Variants in ANK3 observed in about 807,000 individuals in gnomAD.
ANK3 encodes ankyrin 3.
In ANK3, 57 loss-of-function variants were observed where a neutral mutation model predicts 370.9. The ratio of observed to expected loss-of-function variants is 0.15; its 90% CI spans 0.12 to 0.19. The LOEUF (loss-of-function observed/expected upper bound fraction) is 0.19. Among genes scored for constraint, ANK3 ranks in the 10% least tolerant of loss-of-function variants. The probability of loss-of-function intolerance (pLI) is 1.00; values close to 1 mark genes in which losing one functional copy is unlikely to be tolerated. For missense variants in ANK3, 4,439 were observed against 5,302.1 expected (o/e 0.84, Z 5.06); for synonymous variants, 1,929 against 1,946.3 (o/e 0.99, Z 0.23).
chr10:60,111,743 T>C (rs1177463110), intron 26 of ANK3: 2 of 456,162 alleles, frequency 4.4e-6, no homozygotes. Flanking sequence ...CCTTGAATCA[T>C]ACTGAGGAAG....
intron 2 of ANK3, among the ~76,000 whole-genome samples, chr10:60,420,235 A>G (rs931764535): frequency 6.6e-6 from 1 of 152,130 alleles, no homozygotes; most frequent in African/African-American, 2.4e-5. Flanking sequence ...TTATCACCCA[A>G]TTTATTAAAT....
chr10:60,215,541 T>C (rs2096923682), intron 8 of ANK3, among the ~76,000 whole-genome samples: 1 of 152,220 alleles, frequency 6.6e-6, no homozygotes, highest in Non-Finnish European at 1.5e-5. Context: ...TTGTATTAGA[T>C]GTAAGGAAGG....
At chr10:60,558,211 C>T (rs978126311) in intron 2 of ANK3, among the ~76,000 whole-genome samples, 2 of 152,130 alleles carry the variant, frequency 1.3e-5, no homozygotes, top group South Asian at 2.1e-4. Context: ...CTCATTCAAC[C>T]GCATTTCTGA....
At chr10:60,164,628 A>C (rs2095577665) in intron 23 of ANK3, among the ~76,000 whole-genome samples, 1 of 152,216 alleles carries the variant, frequency 6.6e-6, no homozygotes, top group Admixed American at 6.5e-5. Context: ...AATACACCAA[A>C]GCTTGAATCA....
chr10:60,155,263 G>T (rs575315333), intron 23 of ANK3, among the ~76,000 whole-genome samples: 1 of 152,336 alleles, frequency 6.6e-6, no homozygotes, highest in African/African-American at 2.4e-5. Flanking sequence ...TGTGGGCCTG[G>T]GAAAGAGAGA....
At chr10:60,696,061 A>C (rs1204280955) in intron 1 of ANK3, among the ~76,000 whole-genome samples, 1 of 151,112 alleles carries the variant, frequency 6.6e-6, no homozygotes, top group African/African-American at 2.4e-5. Context: ...AAAAAATGAT[A>C]AAGGGGATAT....
At chr10:60,400,279 C>T (rs1292719032) in intron 2 of ANK3, among the ~76,000 whole-genome samples, 1 of 152,026 alleles carries the variant, frequency 6.6e-6, no homozygotes, top group East Asian at 1.9e-4. Flanking sequence ...ATTTTCTAGC[C>T]AATTTGAGTT....
intron 1 of ANK3, among the ~76,000 whole-genome samples, chr10:60,714,556 T>C (rs2079755398): frequency 1.3e-5 from 2 of 152,180 alleles, no homozygotes; most frequent in African/African-American, 4.8e-5. Context: ...ATTTATTCCA[T>C]GTATGCAAGA....
chr10:60,679,581 C>T (rs771091848), intron 1 of ANK3, among the ~76,000 whole-genome samples: 8 of 152,112 alleles, frequency 5.3e-5, no homozygotes, highest in Non-Finnish European at 1.0e-4. Flanking sequence ...CGAGCATGTG[C>T]GCAGTTTGGT....
At chr10:60,034,282 A>G (rs1488171600) in intron 43 of ANK3, among the ~76,000 whole-genome samples, 1 of 151,522 alleles carries the variant, frequency 6.6e-6, no homozygotes, top group Non-Finnish European at 1.5e-5. Flanking sequence ...AATTTTTTGC[A>G]TTTTTGGTAC....
At position 60,064,420 on chromosome 10, in the gene ANK3, A is replaced by T. The variant is rs558768071; in HGVS notation, c.12320-132T>A. Reference sequence around the variant, plus strand: ...AAGCTCAAGTACAGCCTCAGGAATTAATTTTTATATACTTGGCTTCATAGC... The same window carrying T: ...AAGCTCAAGTACAGCCTCAGGAATTTATTTTTATATACTTGGCTTCATAGC... On this transcript the variant is annotated intron_variant, in intron 38 of 43. Transcript: ENST00000280772. 2.6e-4 allele frequency: 237 copies of T among 915,760 alleles called. No individual in the cohort carries two copies. The African/African-American group carries it at 3.5e-3, about 14-fold the overall frequency. 56.7% of individuals were successfully genotyped at this position (915,760 alleles called of 1,614,324 possible). A position where few individuals can be genotyped will look rare whatever the true frequency, so the allele number is the denominator to read the frequency against.
intron 1 of ANK3, among the ~76,000 whole-genome samples, chr10:60,705,779 T>C (rs1191695282): frequency 6.6e-6 from 1 of 151,646 alleles, no homozygotes; most frequent in Non-Finnish European, 1.5e-5. Context: ...GGTATCATTA[T>C]ACATTCCCAG....
chr10:60,630,543 A>G (rs1328596813), intron 1 of ANK3, among the ~76,000 whole-genome samples: 5 of 152,174 alleles, frequency 3.3e-5, no homozygotes, highest in Non-Finnish European at 1.5e-5. Context: ...AATCAGAGTG[A>G]AGTGATTAGA....
intron 17 of ANK3, among the ~76,000 whole-genome samples, chr10:60,185,931 G>A (rs2096313783): frequency 6.6e-6 from 1 of 152,054 alleles, no homozygotes; most frequent in African/African-American, 2.4e-5. Context: ...TGACAGCATG[G>A]GTGTTTGAAG....
intron 2 of ANK3, among the ~76,000 whole-genome samples, chr10:60,518,625 G>A (rs944064567): frequency 1.3e-5 from 2 of 152,116 alleles, no homozygotes; most frequent in Non-Finnish European, 2.9e-5. Flanking sequence ...ACTAGACACC[G>A]ATGGTGATTC....
At chr10:60,625,220 A>C (rs1026709726) in intron 1 of ANK3, among the ~76,000 whole-genome samples, 2 of 152,126 alleles carry the variant, frequency 1.3e-5, no homozygotes, top group South Asian at 4.1e-4. Flanking sequence ...AGTAGAGAAG[A>C]CATCTTGGAC....
At chr10:60,078,223 T>C (rs1440600528) in intron 36 of ANK3, among the ~76,000 whole-genome samples, 3 of 152,250 alleles carry the variant, frequency 2.0e-5, no homozygotes, top group Non-Finnish European at 4.4e-5. Context: ...CTCACAAGGG[T>C]GAAGATGGTC....
chr10:60,598,412 T>C (rs1022036457), intron 2 of ANK3, among the ~76,000 whole-genome samples: 1 of 152,238 alleles, frequency 6.6e-6, no homozygotes, highest in African/African-American at 2.4e-5. Flanking sequence ...CTATCTTGCC[T>C]ACTTTATCTA....
At chr10:60,602,561 G>A (rs1475281193) in intron 2 of ANK3, among the ~76,000 whole-genome samples, 2 of 152,040 alleles carry the variant, frequency 1.3e-5, no homozygotes, top group African/African-American at 4.8e-5. Context: ...TTAAATTTTA[G>A]ATTTTATGTC....
Sources: allele counts gnomAD v4.1 joint callset (sites outside exome capture counted in the v4.1 genomes callset), GRCh38; gene constraint gnomAD v4.1.1; transcripts MANE v1.5; gene names NCBI Gene and HGNC (gene_info 2026-07-23, HGNC 2026-07-21).